LOC400499: variants seen among roughly 807,000 people sequenced by gnomAD.
At chr16:11,474,266 G>A in the LOC400499 span, among the ~76,000 whole-genome samples, 2 of 152,170 alleles carry the variant, frequency 1.3e-5, no homozygotes, top group African/African-American at 4.8e-5. Context: ...AAGGGGGTGT[G>A]CTGCGTTCCC....
chr16:11,457,278 A>C, the LOC400499 span: 1 of 487,182 alleles, frequency 2.1e-6, no homozygotes, highest in Non-Finnish European at 3.6e-6. Context: ...ACTGTGGAAA[A>C]CAGTGTGGCA....
the LOC400499 span, among the ~76,000 whole-genome samples, chr16:11,430,566 T>G: frequency 2.0e-5 from 3 of 152,092 alleles, no homozygotes; most frequent in Middle Eastern, 3.2e-3. Flanking sequence ...AATAATATGT[T>G]AAATATACAT....
At chr16:11,460,449 G>C in the LOC400499 span, 1 of 1,506,926 alleles carries the variant, frequency 6.6e-7, no homozygotes, top group African/African-American at 1.4e-5. Flanking sequence ...TGCTCTCTCC[G>C]GATGTCGCAC....
chr16:11,485,353 T>C, the LOC400499 span, among the ~76,000 whole-genome samples: 4 of 152,112 alleles, frequency 2.6e-5, no homozygotes, highest in Admixed American at 6.6e-5. Flanking sequence ...TGAACTCCCA[T>C]GTCACTCTCT....
the LOC400499 span, among the ~76,000 whole-genome samples, chr16:11,410,130 C>G: frequency 6.6e-6 from 1 of 150,818 alleles, no homozygotes; most frequent in Non-Finnish European, 1.5e-5. Context: ...GGTGACAGAG[C>G]AAGACCCTGT....
chr16:11,448,431 C>T, the LOC400499 span, among the ~76,000 whole-genome samples: 1 of 152,198 alleles, frequency 6.6e-6, no homozygotes, highest in Non-Finnish European at 1.5e-5. Flanking sequence ...GTAATCCCAA[C>T]ACTTCGGGAG....
the LOC400499 span, among the ~76,000 whole-genome samples, chr16:11,458,564 C>T: frequency 1.3e-5 from 2 of 150,900 alleles, no homozygotes; most frequent in African/African-American, 4.9e-5. Flanking sequence ...CTAGAGTAGT[C>T]AAAAATCCGA....
chr16:11,436,404 G>C, the LOC400499 span, among the ~76,000 whole-genome samples: 1 of 152,096 alleles, frequency 6.6e-6, no homozygotes, highest in Admixed American at 6.6e-5. Context: ...GGGTGCTGAA[G>C]GGAGCAGTGG....
At chr16:11,375,025 T>C in the LOC400499 span, among the ~76,000 whole-genome samples, 17 of 152,022 alleles carry the variant, frequency 1.1e-4, no homozygotes, top group Non-Finnish European at 4.4e-5. Context: ...ATTTTTGTAC[T>C]GTAGTAGAGA....
the LOC400499 span, among the ~76,000 whole-genome samples, chr16:11,464,962 CAT>C: frequency 2.6e-5 from 4 of 152,196 alleles, no homozygotes; most frequent in Non-Finnish European, 4.4e-5. Flanking sequence ...TCTCCCCTGA[CAT>C]AGGTCTTCCC....
At chr16:11,481,302 A>G in the LOC400499 span, among the ~76,000 whole-genome samples, 1 of 152,152 alleles carries the variant, frequency 6.6e-6, no homozygotes, top group Non-Finnish European at 1.5e-5. Flanking sequence ...AACATGGTGA[A>G]TGTACTAAAT....
At chr16:11,495,435 C>A in the LOC400499 span, among the ~76,000 whole-genome samples, 6 of 150,770 alleles carry the variant, frequency 4.0e-5, no homozygotes, top group African/African-American at 1.2e-4. Context: ...TCCTGGAGTG[C>A]AGTGGCCCTA....
chr16:11,387,059 G>A, the LOC400499 span: 1 of 1,214,836 alleles, frequency 8.2e-7, no homozygotes. Context: ...CTGTGCCCAG[G>A]AGGCAGGGGG....
the LOC400499 span, among the ~76,000 whole-genome samples, chr16:11,504,935 T>C: frequency 1.3e-5 from 2 of 151,224 alleles, no homozygotes; most frequent in Admixed American, 1.3e-4. Context: ...AAAAAAAAAA[T>C]TGTAATAACA....
the LOC400499 span, among the ~76,000 whole-genome samples, chr16:11,420,189 C>T: frequency 6.6e-6 from 1 of 151,084 alleles, no homozygotes; most frequent in Non-Finnish European, 1.5e-5. Flanking sequence ...GACTTGGAAC[C>T]AACCCAAATG....
the LOC400499 span, among the ~76,000 whole-genome samples, chr16:11,394,568 G>A: frequency 6.6e-6 from 1 of 152,254 alleles, no homozygotes; most frequent in Non-Finnish European, 1.5e-5. Context: ...ATAGGTTGAA[G>A]CCCTAACCTT....
chr16:11,440,754 T>C, the LOC400499 span: 1 of 399,074 alleles, frequency 2.5e-6, no homozygotes, highest in Non-Finnish European at 4.4e-6. Context: ...TGACGGCAGC[T>C]CGTGCATCCA....
chr16:11,402,505 A>C, the LOC400499 span, among the ~76,000 whole-genome samples: 1 of 152,292 alleles, frequency 6.6e-6, no homozygotes, highest in South Asian at 2.1e-4. Context: ...TTCTAAGCCC[A>C]GGCCTTAGGA....
the LOC400499 span, among the ~76,000 whole-genome samples, chr16:11,507,095 G>A: frequency 6.7e-6 from 1 of 148,728 alleles, no homozygotes; most frequent in Admixed American, 6.7e-5. Flanking sequence ...CCCTTGCCCT[G>A]AGCCACCCCT....
Sources: allele counts gnomAD v4.1 joint callset (sites outside exome capture counted in the v4.1 genomes callset), GRCh38; gene constraint gnomAD v4.1.1; transcripts MANE v1.5.